QRFPR: variants seen among roughly 807,000 people sequenced by gnomAD.
QRFPR encodes the protein pyroglutamylated RFamide peptide receptor, also known as pyroglutamylated RF-amide peptide receptor.
In QRFPR, 37 loss-of-function variants were observed where a neutral mutation model predicts 31.3. The observed-to-expected ratio is 1.18, with a 90% CI of 0.91 to 1.56. QRFPR has a LOEUF of 1.56. Among genes scored for constraint, QRFPR ranks in the 40% most tolerant of loss-of-function variants. The pLI is 0.00. For missense variants in QRFPR, 542 were observed against 532.5 expected, an observed-to-expected ratio of 1.02 and a Z score of -0.18; for synonymous variants, 197 against 192.0, an observed-to-expected ratio of 1.03 and a Z score of -0.22.
chr4:121,355,386 A>T (rs767533192), intron 1 of QRFPR, among the ~76,000 whole-genome samples: 20 of 152,030 alleles, frequency 1.3e-4, no homozygotes, highest in Non-Finnish European at 2.8e-4. Context: ...TCTAATGATC[A>T]TCTGAATTTC....
chr4:121,369,943 G>C, intron 1 of QRFPR: 1 of 766,688 alleles, frequency 1.3e-6, no homozygotes, highest in South Asian at 1.4e-5. Flanking sequence ...TGACACCCTT[G>C]TGGGTGTGTA....
chr4:121,337,685 A>G (rs55714487), intron 2 of QRFPR, among the ~76,000 whole-genome samples: 50,298 of 151,772 alleles, frequency 0.33, 8,794 homozygotes, highest in Middle Eastern at 0.49. Flanking sequence ...ACAAACCTGT[A>G]CGTTGTGCAC....
rs114938019 is a variant in QRFPR, at chr4:121,354,101, G to A, written c.341-13491C>T. 4.2e-3 allele frequency among the ~76,000 whole-genome samples: 640 copies of A among 152,162 alleles called. 7 individuals are homozygous for A. The highest frequency in any genetic ancestry group is 0.014 in the African/African-American group (591 of 41,534). The stretch of plus-strand genomic sequence containing the variant: ...TTTCATGCTAACACCTTGCTGTTTT[G>A]ATTCCTATAGTTTTGCAGTATAATT... On this transcript the variant is annotated intron_variant, in intron 1 of 5. Coordinates refer to ENST00000394427, the MANE Select transcript of QRFPR (RefSeq NM_198179.3).
At chr4:121,378,567 C>T (rs551174420) in intron 1 of QRFPR, among the ~76,000 whole-genome samples, 74 of 152,070 alleles carry the variant, frequency 4.9e-4, no homozygotes, top group African/African-American at 1.7e-3. Context: ...GTGCGTGCCA[C>T]GATGCCCGGC....
chr4:121,330,060 G>GT (rs34618775), intron 5 of QRFPR, among the ~76,000 whole-genome samples: 26,799 of 152,064 alleles, frequency 0.18, 3,201 homozygotes, highest in East Asian at 0.53. Context: ...GAGAACCATG[G>GT]TAAGTCCTGG....
chr4:121,363,267 A>C lies in QRFPR; in HGVS notation c.340+17041T>G, dbSNP rs1341967731. ...CTTGAACCTGGGAGATGGAGGTTGC[A>C]GTGAGCAGAGGTCGCGCCATTGCAC... On this transcript the variant is annotated intron_variant, in intron 1 of 5. Coordinates refer to ENST00000394427, the MANE Select transcript of QRFPR (RefSeq NM_198179.3). Among the ~76,000 whole-genome samples the C allele has an allele frequency of 1.3e-5, 2 of 150,210 alleles. 1 individual carries two copies.
At chr4:121,368,048 A>G (rs545646701) in intron 1 of QRFPR, among the ~76,000 whole-genome samples, 2 of 150,082 alleles carry the variant, frequency 1.3e-5, no homozygotes, top group African/African-American at 2.5e-5. Context: ...AAAATTGGGT[A>G]TTTGAGACAG....
chr4:121,365,588 TATTA>T (rs1200191356), intron 1 of QRFPR, among the ~76,000 whole-genome samples: 16 of 3,154 alleles, frequency 5.1e-3, no homozygotes, highest in Admixed American at 7.9e-3. Context: ...ATATTATATA[TATTA>T]TATATATATA....
intron 1 of QRFPR, among the ~76,000 whole-genome samples, chr4:121,346,382 T>G (rs1725650921): frequency 6.6e-6 from 1 of 152,166 alleles, no homozygotes; most frequent in Non-Finnish European, 1.5e-5. Context: ...GAAACGTGAT[T>G]GTGTCTTTAT....
intron 1 of QRFPR, among the ~76,000 whole-genome samples, chr4:121,345,011 C>G (rs796548400): frequency 1.4e-4 from 22 of 152,278 alleles, no homozygotes; most frequent in African/African-American, 5.1e-4. Flanking sequence ...GTTAGTATCA[C>G]AGTTGTGCTT....
chr4:121,333,136 C>A, intron 3 of QRFPR, 80 bp from the exon 4 acceptor site: 1 of 868,500 alleles, frequency 1.2e-6, no homozygotes. Flanking sequence ...TATTGCAACA[C>A]AACATTTTTT....
Position 121,380,321 on chromosome 4 carries a change from G to A in QRFPR, c.327C>T (p.Asp109=), listed in dbSNP as rs757759755. The A allele has an allele frequency of 1.7e-5, 28 of 1,612,672 alleles. No homozygotes were observed. The highest frequency in any genetic ancestry group is 2.4e-5 in the Non-Finnish European group (28 of 1,179,130). The change falls in exon 1 of 6, where the codon GAC becomes GAT. Residue 109 remains aspartate, a synonymous_variant. Transcript: ENST00000394427. ...IPVTMLQNIS[D]NWLGGAFICK... is the part of the protein sequence containing the mutation. ...CGCGACTCTTACCCCCCAGCCAGTT[G>A]TCGGAAATGTTCTGGAGCATGGTGA...
chr4:121,334,828 A>T (rs1725401664), intron 3 of QRFPR, among the ~76,000 whole-genome samples: 1 of 152,214 alleles, frequency 6.6e-6, no homozygotes, highest in African/African-American at 2.4e-5. Context: ...GGTGCTTTGT[A>T]TCATCCCTGT....
rs541620702 is a variant in QRFPR, at chr4:121,349,051, C to A, written c.341-8441G>T. On this transcript the variant is annotated intron_variant, in intron 1 of 5. Transcript: ENST00000394427. The stretch of plus-strand genomic sequence containing the variant: ...GGCAGAGGTTGCAGTGAGCCAAGAT[C>A]GCGCCACTGCACTCCAGCCTGGGTG... 4.6e-5 allele frequency among the ~76,000 whole-genome samples: 7 copies of A among 152,026 alleles called. No individual in the cohort carries two copies. The South Asian group carries it at 1.0e-3, about 23-fold the overall frequency.
intron 1 of QRFPR, among the ~76,000 whole-genome samples, chr4:121,347,922 C>G (rs181007778): frequency 2.6e-5 from 4 of 152,140 alleles, no homozygotes; most frequent in Non-Finnish European, 4.4e-5. Context: ...TAGTCAAGAT[C>G]CTTGTGAATA....
chr4:121,330,287 C>A, intron 5 of QRFPR, 139 bp downstream of exon 5: 1 of 637,310 alleles, frequency 1.6e-6, no homozygotes, highest in Non-Finnish European at 2.8e-6. Context: ...ACCTTGTGAT[C>A]TTGAAGACAT....
intron 1 of QRFPR, among the ~76,000 whole-genome samples, chr4:121,347,905 G>A (rs1297299067): frequency 6.6e-6 from 1 of 152,048 alleles, no homozygotes; most frequent in African/African-American, 2.4e-5. Flanking sequence ...CCCTTTCAGT[G>A]ACTTTATAGT....
intron 3 of QRFPR, among the ~76,000 whole-genome samples, chr4:121,333,651 T>C (rs1275847418): frequency 2.0e-5 from 3 of 152,218 alleles, no homozygotes; most frequent in African/African-American, 7.2e-5. Context: ...ATACAAATAT[T>C]CAGATTGTAC....
At chr4:121,372,570 A>G (rs527470734) in intron 1 of QRFPR, among the ~76,000 whole-genome samples, 2 of 152,326 alleles carry the variant, frequency 1.3e-5, no homozygotes, top group South Asian at 4.1e-4. Flanking sequence ...GCATTAAGCA[A>G]TAACTCCCCA....
Sources: allele counts gnomAD v4.1 joint callset (sites outside exome capture counted in the v4.1 genomes callset), GRCh38; gene constraint gnomAD v4.1.1; transcripts MANE v1.5; gene names NCBI Gene and HGNC (gene_info 2026-07-23, HGNC 2026-07-21).